Variants in CCSER1 observed in about 807,000 individuals in gnomAD.
CCSER1 encodes serine-rich coiled-coil domain-containing protein 1.
CCSER1 carries 41 observed loss-of-function variants against 82.0 expected under a neutral mutation model. The observed-to-expected ratio is 0.50, with a 90% CI of 0.39 to 0.65. The LOEUF (loss-of-function observed/expected upper bound fraction) is 0.65, where lower values mean the gene tolerates loss of function less well. Ranked by LOEUF, CCSER1 falls within the 30% of genes least tolerant of loss-of-function variation. The pLI, the probability that CCSER1 is intolerant of heterozygous loss-of-function variation, is 0.00. For synonymous variants in CCSER1, 414 were observed against 383.9 expected (o/e 1.08, Z -0.92); for missense variants, 1,119 against 1,064.2 (o/e 1.05, Z -0.72).
chr4:90,280,401 TTTC>T (rs895927248), intron 1 of CCSER1, among the ~76,000 whole-genome samples: 4 of 151,894 alleles, frequency 2.6e-5, no homozygotes, highest in Non-Finnish European at 4.4e-5. Context: ...CTCCTGTTTT[TTTC>T]TTCTTCTTCT....
chr4:91,033,594 C>A (rs1348071838), intron 9 of CCSER1, among the ~76,000 whole-genome samples: 1 of 152,070 alleles, frequency 6.6e-6, no homozygotes, highest in Non-Finnish European at 1.5e-5. Context: ...TCATTTTAAG[C>A]CCTGCTCCCA....
intron 9 of CCSER1, among the ~76,000 whole-genome samples, chr4:90,923,718 A>G (rs970723415): frequency 2.0e-5 from 3 of 152,220 alleles, no homozygotes; most frequent in Middle Eastern, 3.2e-3. Context: ...AGACATGTAG[A>G]AGATATGCAT....
chr4:91,460,421 A>C lies in CCSER1; in HGVS notation c.2218-138151A>C, dbSNP rs138446204. 8.3e-4 allele frequency among the ~76,000 whole-genome samples: 126 copies of C among 152,216 alleles called. 1 individual carries two copies. Among genetic ancestry groups the C allele is most frequent in the African/African-American group, 3.0e-3 (125 of 41,536 alleles). On this transcript the variant is annotated intron_variant, in intron 10 of 10. Transcript: ENST00000509176. ...GTGACATTCCCTTTGCCCTCGTTCT[A>C]CTGGTCAAAATTCAGTCCGATGGCT...
chr4:90,479,650 G>A (rs971903234), intron 5 of CCSER1, among the ~76,000 whole-genome samples: 3 of 152,026 alleles, frequency 2.0e-5, no homozygotes, highest in African/African-American at 4.8e-5. Flanking sequence ...CCTTGCGATA[G>A]TTTGCTGAGA....
intron 5 of CCSER1, among the ~76,000 whole-genome samples, chr4:90,561,852 AACTAATAAT>A (rs1219719897): frequency 2.0e-5 from 3 of 152,180 alleles, no homozygotes; most frequent in Non-Finnish European, 4.4e-5. Context: ...AAAATGATAT[AACTAATAAT>A]AATCACCATA....
intron 6 of CCSER1, among the ~76,000 whole-genome samples, chr4:90,709,671 A>T (rs376725329): frequency 6.6e-6 from 1 of 152,178 alleles, no homozygotes; most frequent in South Asian, 2.1e-4. Context: ...CATTTTCTTT[A>T]TTCAGTCTAT....
At chr4:90,210,814 T>A (rs1160510410) in intron 1 of CCSER1, among the ~76,000 whole-genome samples, 1 of 152,188 alleles carries the variant, frequency 6.6e-6, no homozygotes, top group East Asian at 1.9e-4. Flanking sequence ...TGTATGACTT[T>A]GTTAGGCAGT....
chr4:91,177,486 T>C (rs543026850), intron 10 of CCSER1, among the ~76,000 whole-genome samples: 2 of 152,336 alleles, frequency 1.3e-5, no homozygotes, highest in Admixed American at 6.5e-5. Context: ...AATTGTTGCC[T>C]CAATTTCAGA....
At chr4:90,842,477 G>A (rs1196674461) in intron 8 of CCSER1, among the ~76,000 whole-genome samples, 1 of 152,086 alleles carries the variant, frequency 6.6e-6, no homozygotes, top group Non-Finnish European at 1.5e-5. Context: ...AGCAACATCT[G>A]GATTATACAG....
chr4:90,184,957 TC>T (rs961186141), intron 1 of CCSER1, among the ~76,000 whole-genome samples: 3 of 152,084 alleles, frequency 2.0e-5, no homozygotes, highest in African/African-American at 7.2e-5. Flanking sequence ...TGCCAAAACT[TC>T]CATATTCCTT....
At chr4:90,724,963 A>T in intron 7 of CCSER1, 1 of 420,992 alleles carries the variant, frequency 2.4e-6, no homozygotes, top group South Asian at 1.7e-5. Flanking sequence ...TTCAAATGAG[A>T]GTATTTAGTT....
intron 9 of CCSER1, among the ~76,000 whole-genome samples, chr4:91,019,840 G>A (rs1192287700): frequency 2.6e-5 from 4 of 152,122 alleles, no homozygotes; most frequent in African/African-American, 4.8e-5. Flanking sequence ...TTGCCCATAA[G>A]TAAATAAGTA....
intron 1 of CCSER1, among the ~76,000 whole-genome samples, chr4:90,242,890 A>G (rs1720630517): frequency 1.3e-5 from 2 of 152,194 alleles, no homozygotes; most frequent in South Asian, 4.1e-4. Context: ...CTTAGATTGC[A>G]CATCCTCAAA....
At chr4:91,523,121 A>G (rs1760580976) in intron 10 of CCSER1, among the ~76,000 whole-genome samples, 1 of 152,000 alleles carries the variant, frequency 6.6e-6, no homozygotes, top group South Asian at 2.1e-4. Context: ...TTCTTCATCT[A>G]TTGAGATAAT....
chr4:91,582,215 A>T (rs748746789), intron 10 of CCSER1, among the ~76,000 whole-genome samples: 3 of 151,544 alleles, frequency 2.0e-5, no homozygotes, highest in Non-Finnish European at 3.0e-5. Flanking sequence ...AGGCAAGAAG[A>T]AGTTTGTGCA....
intron 10 of CCSER1, among the ~76,000 whole-genome samples, chr4:91,307,284 G>GATC (rs1046935314): frequency 7.2e-5 from 11 of 151,754 alleles, no homozygotes; most frequent in Admixed American, 3.3e-4. Flanking sequence ...ATTCTGAACA[G>GATC]ATCTAATATA....
chr4:90,791,173 A>C (rs1370945316), intron 7 of CCSER1, among the ~76,000 whole-genome samples: 1 of 152,146 alleles, frequency 6.6e-6, no homozygotes, highest in Non-Finnish European at 1.5e-5. Flanking sequence ...ACTTACTATC[A>C]TGAGGCTACC....
rs1365493985 is a variant in CCSER1 at position 90,564,221 on chromosome 4, G to A, written c.1725-63804G>A. Among the ~76,000 whole-genome samples the A allele has an allele frequency of 6.0e-5, 9 of 149,000 alleles. No homozygotes were observed. In the South Asian group the frequency reaches 6.3e-4, roughly 10 times the overall value. Reference sequence around the variant, plus strand: ...GCTGGAGTGCAGTTGTGTAATCACAGCTTATTGTGATTTCATAGAGATGGG... The same window carrying A: ...GCTGGAGTGCAGTTGTGTAATCACAACTTATTGTGATTTCATAGAGATGGG... On this transcript the variant is annotated intron_variant, in intron 5 of 10. Coordinates refer to ENST00000509176, the MANE Select transcript of CCSER1 (RefSeq NM_001145065.2).
intron 6 of CCSER1, among the ~76,000 whole-genome samples, chr4:90,672,784 A>T (rs1733050326): frequency 6.6e-6 from 1 of 152,114 alleles, no homozygotes; most frequent in African/African-American, 2.4e-5. Flanking sequence ...CCATTGTAGC[A>T]TGATTAATTG....
Sources: gnomAD v4.1 joint callset for allele counts (sites outside exome capture counted in the v4.1 genomes callset) on GRCh38, gnomAD v4.1.1 for gene constraint, MANE v1.5 for transcripts, NCBI Gene and HGNC (gene_info 2026-07-23, HGNC 2026-07-21) for gene names.